The following NEBL variants were observed in gnomAD, a reference collection of about 807,000 sequenced individuals.
The protein encoded by NEBL is nebulette.
A neutral mutation model predicts 140.2 loss-of-function variants in NEBL; 122 were observed. That is an observed-to-expected ratio of 0.87 (90% CI 0.75 to 1.01). The LOEUF is 1.01. Among genes scored for constraint, NEBL ranks in the 50% least tolerant of loss-of-function variants. The pLI is 0.00. For synonymous variants in NEBL, 436 were observed against 398.9 expected (o/e 1.09, Z -1.11); for missense variants, 1,365 against 1,231.3 (o/e 1.11, Z -1.62).
intron 2 of NEBL, among the ~76,000 whole-genome samples, chr10:21,077,338 C>G (rs953165154): frequency 6.6e-6 from 1 of 152,206 alleles, no homozygotes; most frequent in Non-Finnish European, 1.5e-5. Flanking sequence ...GGCGCAGTGG[C>G]TCACGCCTGT....
intron 3 of NEBL, among the ~76,000 whole-genome samples, chr10:20,973,322 G>A (rs1300344120): frequency 6.6e-6 from 1 of 150,550 alleles, no homozygotes; most frequent in Non-Finnish European, 1.5e-5. Context: ...TCATGGCTCA[G>A]TGCAGCCTCC....
At chr10:21,047,649 G>A (rs1004684262) in intron 2 of NEBL, among the ~76,000 whole-genome samples, 1 of 152,054 alleles carries the variant, frequency 6.6e-6, no homozygotes, top group African/African-American at 2.4e-5. Flanking sequence ...CCAAAAAAAT[G>A]TGCAGGAGGT....
intron 2 of NEBL, among the ~76,000 whole-genome samples, chr10:21,086,157 A>T (rs188159015): frequency 6.6e-6 from 1 of 152,346 alleles, no homozygotes; most frequent in African/African-American, 2.4e-5. Flanking sequence ...CACAATTTCC[A>T]TAGGAATTAA....
chr10:20,995,257 G>C (rs1837622244), intron 3 of NEBL, among the ~76,000 whole-genome samples: 1 of 152,206 alleles, frequency 6.6e-6, no homozygotes, highest in East Asian at 1.9e-4. Context: ...CCGGCATGCA[G>C]GGCAGACATC....
At chr10:20,825,665 A>G (rs1353145624) in intron 18 of NEBL, among the ~76,000 whole-genome samples, 1 of 149,234 alleles carries the variant, frequency 6.7e-6, no homozygotes, top group African/African-American at 2.4e-5. Flanking sequence ...CTCTGTCTCA[A>G]AAAAAAAAAA....
upstream of NEBL, chr10:20,897,396 A>AG (rs1847606781): frequency 2.2e-6 from 3 of 1,376,756 alleles, no homozygotes; most frequent in Non-Finnish European, 2.8e-6. Context: ...AGGATCCCAG[A>AG]GGTCTACCAG....
chr10:20,935,059 T>G (rs1834405939), intron 4 of NEBL, among the ~76,000 whole-genome samples: 1 of 152,150 alleles, frequency 6.6e-6, no homozygotes, highest in East Asian at 1.9e-4. Context: ...AGGTACCATG[T>G]CTGGTGCTAG....
At chr10:21,102,665 TTA>T (rs1377707716) in intron 2 of NEBL, among the ~76,000 whole-genome samples, 1 of 152,210 alleles carries the variant, frequency 6.6e-6, no homozygotes, top group Non-Finnish European at 1.5e-5. Context: ...TTCCTTTTCA[TTA>T]TGAGTACTAT....
intron 11 of NEBL, among the ~76,000 whole-genome samples, chr10:20,849,472 T>G (rs1157004975): frequency 2.6e-5 from 4 of 152,142 alleles, no homozygotes; most frequent in African/African-American, 9.6e-5. Context: ...GATCAGGCCA[T>G]AGCGCTCTGC....
intron 2 of NEBL, among the ~76,000 whole-genome samples, chr10:20,896,483 C>T (rs866319973): frequency 1.7e-4 from 15 of 88,088 alleles, no homozygotes; most frequent in Admixed American, 2.9e-4. Flanking sequence ...ATATTATATG[C>T]ATATATATAT....
In NEBL at chr10:20,923,652, G is replaced by A. The variant is rs888854305; in HGVS notation, c.357+38020C>T. ...CGAAATCATACCACTGCACTCCAGA[G>A]CAAGACTCCGTCTCAAAAAAAAAAA... On this transcript the variant is annotated intron_variant, in intron 4 of 6. Transcript: ENST00000417816. 9.5e-5 allele frequency among the ~76,000 whole-genome samples: 8 copies of A among 84,406 alleles called. No homozygotes were observed. In the South Asian group the frequency reaches 1.7e-3, roughly 18 times the overall value. 55.4% of individuals were successfully genotyped at this position (84,406 alleles called of 152,430 possible). A position where few individuals can be genotyped will look rare whatever the true frequency, so the allele number is the denominator to read the frequency against.
chr10:21,081,209 T>G (rs1475540865), intron 2 of NEBL, among the ~76,000 whole-genome samples: 1 of 152,158 alleles, frequency 6.6e-6, no homozygotes, highest in African/African-American at 2.4e-5. Context: ...CAATCATGAC[T>G]TGATAATCAA....
chr10:20,814,471 G>C (rs61509314), intron 22 of NEBL, among the ~76,000 whole-genome samples: 4,755 of 151,758 alleles, frequency 0.031, 242 homozygotes, highest in African/African-American at 0.11. Context: ...TTAGTTGGGC[G>C]TGTGCCTGTA....
At chr10:21,047,591 G>C (rs1834578930) in intron 2 of NEBL, among the ~76,000 whole-genome samples, 1 of 151,772 alleles carries the variant, frequency 6.6e-6, no homozygotes, top group African/African-American at 2.4e-5. Flanking sequence ...ACAAATAAAT[G>C]AAGGTAAAGT....
chr10:20,819,227 C>T (rs976385154), intron 20 of NEBL, 197 bp downstream of exon 20: 40 of 983,996 alleles, frequency 4.1e-5, no homozygotes, highest in African/African-American at 1.6e-4. Context: ...CATCCTCTCC[C>T]GTCCAACAGG....
At chr10:21,075,205 A>G (rs1341356330) in intron 2 of NEBL, among the ~76,000 whole-genome samples, 2 of 152,216 alleles carry the variant, frequency 1.3e-5, no homozygotes, top group African/African-American at 4.8e-5. Flanking sequence ...CCCACGGTGG[A>G]AACACAATGG....
intron 9 of NEBL, among the ~76,000 whole-genome samples, chr10:20,853,319 C>T (rs550165274): frequency 4.5e-4 from 69 of 152,132 alleles, no homozygotes; most frequent in African/African-American, 1.6e-3. Context: ...TGGAAGACAC[C>T]AAATTGAACA....
chr10:20,884,355 G>T (rs1249283107), intron 4 of NEBL, among the ~76,000 whole-genome samples: 1 of 152,114 alleles, frequency 6.6e-6, no homozygotes, highest in Non-Finnish European at 1.5e-5. Flanking sequence ...GGGATTACAG[G>T]CACGAGCCAC....
chr10:20,974,033 T>C (rs1469920132), intron 3 of NEBL, among the ~76,000 whole-genome samples: 1 of 152,170 alleles, frequency 6.6e-6, no homozygotes, highest in Non-Finnish European at 1.5e-5. Flanking sequence ...TGGGTACTTT[T>C]ATCACTTGTG....
Sources: allele counts gnomAD v4.1 joint callset (sites outside exome capture counted in the v4.1 genomes callset), GRCh38; gene constraint gnomAD v4.1.1; transcripts MANE v1.5; gene names NCBI Gene and HGNC (gene_info 2026-07-23, HGNC 2026-07-21).